PRKACG: variants seen among roughly 807,000 people sequenced by gnomAD.
PRKACG encodes the protein protein kinase cAMP-activated catalytic subunit gamma.
Under a neutral mutation model 25.6 loss-of-function variants are expected in PRKACG, and 24 were observed. The observed-to-expected ratio is 0.94, with a 90% CI of 0.68 to 1.32. The LOEUF (loss-of-function observed/expected upper bound fraction) is 1.32, where lower values mean the gene tolerates loss of function less well. Ranked by LOEUF, PRKACG falls within the 40% of genes most tolerant of loss-of-function variation. The probability of loss-of-function intolerance (pLI) is 0.00; values close to 1 mark genes in which losing one functional copy is unlikely to be tolerated. For missense variants in PRKACG, 481 were observed against 462.9 expected (o/e 1.04, Z -0.36); for synonymous variants, 202 against 195.9 (o/e 1.03, Z -0.26).
Position 69,013,990 on chromosome 9 carries a change from C to T in PRKACG, c.103G>A (p.Ala35Thr), listed in dbSNP as rs138280963. Residue 35 changes from alanine (A) to threonine (T), a missense_variant, in exon 1 of 1, where the codon GCT (alanine) becomes ACT (threonine). By Grantham distance (58) the Ala-to-Thr change is moderately conservative. Transcript: ENST00000377276. ...GDFLYRWGNPAQNTASSDQFE... is the reference protein window; with the variant it reads ...GDFLYRWGNPTQNTASSDQFE... ...TGATCCGAGCTGGCGGTGTTTTGAG[C>T]GGGGTTTCCCCATCTGTAGAGGAAA... The T allele has an allele frequency of 3.9e-5, 63 of 1,613,564 alleles. No homozygotes were observed. The African/African-American group carries it at 7.9e-4, about 20-fold the overall frequency.
At position 69,013,086 on chromosome 9, in the gene PRKACG, A is replaced by T. The variant is rs1415946732; in HGVS notation, c.1007T>A (p.Leu336His). ...ACACTTCTCATTGATGGAGATCCGG[A>T]GCTCTTCCTCCTCGTAGTCGTCAAA... The part of the protein sequence containing the change: ...SNFDDYEEEE[L>H]RISINEKCAK... The change falls in exon 1 of 1, where the codon CTC becomes CAC. Residue 336 changes from leucine to histidine, a missense_variant. Physicochemically the swap from Leu to His is moderately conservative, Grantham distance 99. Transcript: ENST00000377276. 2 of 1,614,002 alleles carry T rather than the reference A, an allele frequency of 1.2e-6. No individual in the cohort carries two copies. Among genetic ancestry groups the T allele is most frequent in the South Asian group, 2.2e-5 (2 of 91,076 alleles).
chr9:69,013,252 G>T lies in PRKACG; in HGVS notation c.841C>A (p.Arg281Ser), dbSNP rs760700483. 5 of 1,614,122 alleles carry T rather than the reference G, an allele frequency of 3.1e-6. 1 individual carries two copies. The South Asian group carries it at 3.3e-5, about 11-fold the overall frequency. Residue 281 changes from arginine (R) to serine (S), a missense_variant, in exon 1 of 1, where the codon CGC becomes AGC. Transcript: ENST00000377276. ...RSLLQVDLTK[R>S]FGNLRNGVGD... is the part of the protein sequence containing the mutation. ...ACCCCGTTCCTGAGGTTTCCGAAGC[G>T]CTTGGTGAGGTCCACCTGCAGCAGG...
chr9:69,013,263 T>C lies in PRKACG; in HGVS notation c.830A>G (p.Asp277Gly). 6.2e-7 allele frequency: 1 copy of C among 1,614,024 alleles called. No homozygotes were observed. The highest frequency in any genetic ancestry group is 8.5e-7 in the Non-Finnish European group (1 of 1,180,008). Residue 277 changes from aspartate to glycine, a missense_variant, in exon 1 of 1, where the codon GAC becomes GGC. Coordinates refer to ENST00000377276, the MANE Select transcript of PRKACG (RefSeq NM_002732.4). ...KHLLRSLLQV[D>G]LTKRFGNLRN... ...GAGGTTTCCGAAGCGCTTGGTGAGGTCCACCTGCAGCAGGCTCCGCAGCAG... is the reference window on the plus strand; with the variant it reads ...GAGGTTTCCGAAGCGCTTGGTGAGGCCCACCTGCAGCAGGCTCCGCAGCAG...
rs2133072289 is a variant in PRKACG, at chr9:69,013,724, G to A, written c.369C>T (p.Tyr123=). 6.2e-7 allele frequency: 1 copy of A among 1,614,046 alleles called. No individual in the cohort carries two copies. The highest frequency in any genetic ancestry group is 8.5e-7 in the Non-Finnish European group (1 of 1,179,990). ...GGGAGAACATCTCCCCACCCGGCAC[G>A]TACTCCATCACCAGGTACAGGTAGG... The part of the protein sequence containing the change: ...DNSYLYLVME[Y]VPGGEMFSRL... Residue 123 remains tyrosine (Y), a synonymous_variant, in exon 1 of 1, where the codon TAC becomes TAT. Transcript: ENST00000377276.
At position 69,013,144 on chromosome 9, in the gene PRKACG, G is replaced by A. The variant is rs1024742009; in HGVS notation, c.949C>T (p.Pro317Ser). ...YEKKVEAPFI[P>S]KYTGPGDASN... Reference sequence around the variant, plus strand: ...GCATCCCCAGGGCCTGTGTACTTCGGGATGAAGGGAGCTTCCACCTTCTTC... The same window carrying A: ...GCATCCCCAGGGCCTGTGTACTTCGAGATGAAGGGAGCTTCCACCTTCTTC... The change falls in exon 1 of 1, where the codon CCG (proline) becomes TCG (serine). Residue 317 changes from proline to serine, a missense_variant. Coordinates refer to ENST00000377276, the MANE Select transcript of PRKACG (RefSeq NM_002732.4). 6.8e-6 allele frequency: 11 copies of A among 1,614,158 alleles called. No homozygotes were observed. The highest frequency in any genetic ancestry group is 8.5e-6 in the Non-Finnish European group (10 of 1,180,044).
In PRKACG at chr9:69,013,799, C is replaced by T; in HGVS notation, c.294G>A (p.Ala98=). ...HILNEKRILQ[A]IDFPFLVKLQ... is the part of the protein sequence containing the mutation. ...GCTTGACGAGGAACGGAAAGTCGATCGCCTGCAGGATGCGCTTCTCGTTCA... is the reference window on the plus strand; with the variant it reads ...GCTTGACGAGGAACGGAAAGTCGATTGCCTGCAGGATGCGCTTCTCGTTCA... Residue 98 remains alanine (A), a synonymous_variant, in exon 1 of 1, where the codon GCG becomes GCA. Transcript: ENST00000377276. 1.2e-6 allele frequency: 2 copies of T among 1,613,904 alleles called. No individual in the cohort carries two copies. The highest frequency in any genetic ancestry group is 1.7e-6 in the Non-Finnish European group (2 of 1,180,004).
Position 69,013,023 on chromosome 9 carries a change from G to A in PRKACG, c.*14C>T, listed in dbSNP as rs751751099. 6.2e-7 allele frequency: 1 copy of A among 1,606,184 alleles called. No individual in the cohort carries two copies. The highest frequency in any genetic ancestry group is 8.5e-7 in the Non-Finnish European group (1 of 1,176,312). ...CAAAAAGGAAAGAAAACCCACAGGG[G>A]CACAAGCACACCCCTAAAACTCAGA... On this transcript the variant is annotated 3_prime_UTR_variant, in exon 1 of 1. Coordinates refer to ENST00000377276, the MANE Select transcript of PRKACG (RefSeq NM_002732.4).
Position 69,013,936 on chromosome 9 carries a change from C to T in PRKACG, c.157G>A (p.Gly53Ser). Residue 53 changes from glycine (G) to serine (S), a missense_variant, in exon 1 of 1, where the codon GGC (glycine) becomes AGC (serine). Gly to Ser is a moderately conservative substitution (Grantham distance 56). Coordinates refer to ENST00000377276, the MANE Select transcript of PRKACG (RefSeq NM_002732.4). ...ACCAGCATCACCCGCCCGAAGGAGCCCATGCCCAGCGTCCTGAGCCGTTCG... is the reference window on the plus strand; with the variant it reads ...ACCAGCATCACCCGCCCGAAGGAGCTCATGCCCAGCGTCCTGAGCCGTTCG... ...QFERLRTLGM[G>S]SFGRVMLVRH... 1.2e-6 allele frequency: 2 copies of T among 1,613,940 alleles called. No individual in the cohort carries two copies. Among genetic ancestry groups the T allele is most frequent in the Non-Finnish European group, 1.7e-6 (2 of 1,180,020 alleles).
rs779475940 is a variant in PRKACG at position 69,013,941 on chromosome 9, C to T, written c.152G>A (p.Gly51Asp). 3 of 1,613,784 alleles carry T rather than the reference C, an allele frequency of 1.9e-6. No homozygotes were observed. The highest frequency in any genetic ancestry group is 2.2e-5 in the South Asian group (2 of 91,086). ...CATCACCCGCCCGAAGGAGCCCATG[C>T]CCAGCGTCCTGAGCCGTTCGAACTG... The part of the protein sequence containing the change: ...SDQFERLRTL[G>D]MGSFGRVMLV... Residue 51 changes from glycine to aspartate, a missense_variant, in exon 1 of 1, where the codon GGC becomes GAC. By Grantham distance (94) the Gly-to-Asp change is moderately conservative. Transcript: ENST00000377276.
In PRKACG at chr9:69,013,247, G is replaced by A. The variant is rs372968774; in HGVS notation, c.846C>T (p.Phe282=). ...CGCCAACCCCGTTCCTGAGGTTTCC[G>A]AAGCGCTTGGTGAGGTCCACCTGCA... ...SLLQVDLTKR[F]GNLRNGVGDI... Residue 282 remains phenylalanine (F), a synonymous_variant, in exon 1 of 1, where the codon TTC becomes TTT. Coordinates refer to ENST00000377276, the MANE Select transcript of PRKACG (RefSeq NM_002732.4). 1.1e-5 allele frequency: 17 copies of A among 1,614,040 alleles called. No homozygotes were observed. The African/African-American group carries it at 2.0e-4, about 19-fold the overall frequency.
At position 69,013,337 on chromosome 9, in the gene PRKACG, G is replaced by T; in HGVS notation, c.756C>A (p.Val252=). 2.5e-6 allele frequency: 4 copies of T among 1,614,090 alleles called. No homozygotes were observed. The highest frequency in any genetic ancestry group is 2.5e-6 in the Non-Finnish European group (3 of 1,180,018). ...DQPIQIYEKI[V]SGRVRFPSKL... ...TGGAGGGAAACCGCACCCTCCCAGA[G>T]ACGATCTTCTCGTAGATCTGGATGG... is the stretch of plus-strand genomic sequence containing the variant. The change falls in exon 1 of 1, where the codon GTC becomes GTA. Residue 252 remains valine, a synonymous_variant. Coordinates refer to ENST00000377276, the MANE Select transcript of PRKACG (RefSeq NM_002732.4).
chr9:69,013,246 C>G lies in PRKACG; in HGVS notation c.847G>C (p.Gly283Arg), dbSNP rs1254243268. 7 of 1,614,128 alleles carry G rather than the reference C, an allele frequency of 4.3e-6. No individual in the cohort carries two copies. Among genetic ancestry groups the G allele is most frequent in the Non-Finnish European group, 5.9e-6 (7 of 1,180,030 alleles). The part of the protein sequence containing the change: ...LLQVDLTKRF[G>R]NLRNGVGDIK... ...TCGCCAACCCCGTTCCTGAGGTTTC[C>G]GAAGCGCTTGGTGAGGTCCACCTGC... is the stretch of plus-strand genomic sequence containing the variant. Residue 283 changes from glycine (G) to arginine (R), a missense_variant, in exon 1 of 1, where the codon GGA (glycine) becomes CGA (arginine). Gly to Arg is a moderately radical substitution (Grantham distance 125). Transcript: ENST00000377276.
At position 69,013,256 on chromosome 9, in the gene PRKACG, G is replaced by A. The variant is rs1267994330; in HGVS notation, c.837C>T (p.Thr279=). ...LLRSLLQVDL[T]KRFGNLRNGV... ...CGTTCCTGAGGTTTCCGAAGCGCTT[G>A]GTGAGGTCCACCTGCAGCAGGCTCC... Residue 279 remains threonine, a synonymous_variant, in exon 1 of 1, where the codon ACC becomes ACT. Coordinates refer to ENST00000377276, the MANE Select transcript of PRKACG (RefSeq NM_002732.4). 6.2e-7 allele frequency: 1 copy of A among 1,614,024 alleles called. No individual in the cohort carries two copies. Among genetic ancestry groups the A allele is most frequent in the African/African-American group, 1.3e-5 (1 of 74,918 alleles).
rs556702322 is a variant in PRKACG, at chr9:69,013,835, G to T, written c.258C>A (p.Val86=). 1 of 1,613,720 alleles carries T rather than the reference G, an allele frequency of 6.2e-7. No individual in the cohort carries two copies. The highest frequency in any genetic ancestry group is 8.5e-7 in the Non-Finnish European group (1 of 1,179,992). ...TGCGCTTCTCGTTCAGTATGTGCTC[G>T]ACCTGCTTCATCTTCACCACCTTCT... is the stretch of plus-strand genomic sequence containing the variant. The part of the protein sequence containing the change: ...NKQKVVKMKQ[V]EHILNEKRIL... The change falls in exon 1 of 1, where the codon GTC becomes GTA. Residue 86 remains valine, a synonymous_variant. Coordinates refer to ENST00000377276, the MANE Select transcript of PRKACG (RefSeq NM_002732.4).
chr9:69,012,838 G>T lies in PRKACG; in HGVS notation c.*199C>A, dbSNP rs111390942. On this transcript the variant is annotated 3_prime_UTR_variant, in exon 1 of 1. Transcript: ENST00000377276. ...GCACAGAGGGACCAGGAAGGCATGG[G>T]GGGGGGTGAGGGAGCAGCTGGTGTT... The T allele has an allele frequency of 1.0e-4, 61 of 588,970 alleles. No individual in the cohort carries two copies. The highest frequency in any genetic ancestry group is 4.5e-4 in the Middle Eastern group (1 of 2,208). 36.5% of individuals were successfully genotyped at this position (588,970 alleles called of 1,614,324 possible). A position where few individuals can be genotyped will look rare whatever the true frequency, so the allele number is the denominator to read the frequency against.
At position 69,013,571 on chromosome 9, in the gene PRKACG, G is replaced by A. The variant is rs1393312884; in HGVS notation, c.522C>T (p.Leu174=). Residue 174 remains leucine (L), a synonymous_variant, in exon 1 of 1, where the codon CTC becomes CTT. Transcript: ENST00000377276. ...CCTGCAGGTAGCCCTGCTGGTCGAT[G>A]AGGAGATTCTCGGGCTTCAGGTCGC... ...IHRDLKPENL[L]IDQQGYLQVT... 5 of 1,613,418 alleles carry A rather than the reference G, an allele frequency of 3.1e-6. No individual in the cohort carries two copies. Among genetic ancestry groups the A allele is most frequent in the Middle Eastern group, 3.3e-4 (2 of 6,084 alleles).
chr9:69,013,956 C>A lies in PRKACG; in HGVS notation c.137G>T (p.Arg46Leu), dbSNP rs558559267. 6.2e-7 allele frequency: 1 copy of A among 1,613,860 alleles called. No individual in the cohort carries two copies. The highest frequency in any genetic ancestry group is 1.1e-5 in the South Asian group (1 of 91,080). The change falls in exon 1 of 1, where the codon CGG (arginine) becomes CTG (leucine). Residue 46 changes from arginine to leucine, a missense_variant. Arg to Leu is a moderately radical substitution (Grantham distance 102). Coordinates refer to ENST00000377276, the MANE Select transcript of PRKACG (RefSeq NM_002732.4). ...GGAGCCCATGCCCAGCGTCCTGAGC[C>A]GTTCGAACTGATCCGAGCTGGCGGT... Reference protein sequence around the residue: ...QNTASSDQFERLRTLGMGSFG... With the variant: ...QNTASSDQFELLRTLGMGSFG...
In PRKACG at chr9:69,013,431, T is replaced by C. The variant is rs750362213; in HGVS notation, c.662A>G (p.Asp221Gly). 6.2e-7 allele frequency: 1 copy of C among 1,613,610 alleles called. No homozygotes were observed. Among genetic ancestry groups the C allele is most frequent in the Admixed American group, 1.7e-5 (1 of 60,000 alleles). The change falls in exon 1 of 1, where the codon GAC (aspartate) becomes GGC (glycine). Residue 221 changes from aspartate to glycine, a missense_variant. Physicochemically the swap from Asp to Gly is moderately conservative, Grantham distance 94. Transcript: ENST00000377276. Reference sequence around the variant, plus strand: ...GATGAGCACCCCTAGGGCCCACCAGTCCACGGCCTTGTTGTAGCCTTTGCT... The same window carrying C: ...GATGAGCACCCCTAGGGCCCACCAGCCCACGGCCTTGTTGTAGCCTTTGCT... Reference protein sequence around the residue: ...ILSKGYNKAVDWWALGVLIYE... With the variant: ...ILSKGYNKAVGWWALGVLIYE...
chr9:69,013,183 T>C lies in PRKACG; in HGVS notation c.910A>G (p.Ile304Val). The C allele has an allele frequency of 6.2e-7, 1 of 1,614,092 alleles. No homozygotes were observed. The highest frequency in any genetic ancestry group is 8.5e-7 in the Non-Finnish European group (1 of 1,180,008). Residue 304 changes from isoleucine (I) to valine (V), a missense_variant, in exon 1 of 1, where the codon ATC becomes GTC. Physicochemically the swap from Ile to Val is conservative, Grantham distance 29. Coordinates refer to ENST00000377276, the MANE Select transcript of PRKACG (RefSeq NM_002732.4). ...TCCACCTTCTTCTCATAGATGGCGA[T>C]CCAGCTGGTTGTGGCGAACCACTTG... is the stretch of plus-strand genomic sequence containing the variant. The part of the protein sequence containing the change: ...NHKWFATTSW[I>V]AIYEKKVEAP...
Sources: allele counts gnomAD v4.1 joint callset, GRCh38; gene constraint gnomAD v4.1.1; transcripts MANE v1.5; gene names NCBI Gene and HGNC (gene_info 2026-07-23, HGNC 2026-07-21).